PDE3A: variants seen among roughly 807,000 people sequenced by gnomAD.
The protein encoded by PDE3A is phosphodiesterase 3A.
Under a neutral mutation model 98.3 loss-of-function variants are expected in PDE3A, and 43 were observed. The observed-to-expected ratio is 0.44, with a 90% CI of 0.34 to 0.56. PDE3A has a LOEUF of 0.56. Ranked by LOEUF, PDE3A falls within the 20% of genes least tolerant of loss-of-function variation. PDE3A has a pLI of 0.01. For synonymous variants in PDE3A, 663 were observed against 567.9 expected (o/e 1.17, Z -2.38); for missense variants, 1,427 against 1,440.7 (o/e 0.99, Z 0.15).
At chr12:20,582,375 G>A (rs1437583381) in intron 2 of PDE3A, among the ~76,000 whole-genome samples, 1 of 151,924 alleles carries the variant, frequency 6.6e-6, no homozygotes, top group Non-Finnish European at 1.5e-5. Flanking sequence ...GTATTTTTTT[G>A]TAGAGATGGA....
intron 2 of PDE3A, among the ~76,000 whole-genome samples, chr12:20,611,808 T>C (rs995666287): frequency 2.0e-5 from 3 of 151,788 alleles, no homozygotes; most frequent in African/African-American, 7.2e-5. Flanking sequence ...TCCAACCCAC[T>C]GAACAATATT....
At chr12:20,398,195 T>C (rs1944054262) in intron 1 of PDE3A, among the ~76,000 whole-genome samples, 1 of 151,860 alleles carries the variant, frequency 6.6e-6, no homozygotes, top group African/African-American at 2.4e-5. Context: ...TGATGGCTTA[T>C]TGGCGGGAAA....
chr12:20,457,793 A>AT (rs1945177509), intron 1 of PDE3A, among the ~76,000 whole-genome samples: 1 of 144,300 alleles, frequency 6.9e-6, no homozygotes, highest in Non-Finnish European at 1.5e-5. Context: ...ATGCTGTAAA[A>AT]ATTTTTTTAA....
chr12:20,578,474 TACACACACACAC>T (rs5796870), intron 2 of PDE3A, among the ~76,000 whole-genome samples: 27 of 148,572 alleles, frequency 1.8e-4, no homozygotes, highest in African/African-American at 5.0e-4. Context: ...ATACAACTAA[TACACACACACAC>T]ACACACACAC....
chr12:20,542,457 A>T (rs1941942440), intron 1 of PDE3A, among the ~76,000 whole-genome samples: 1 of 36,936 alleles, frequency 2.7e-5, no homozygotes, highest in Admixed American at 2.6e-4. Flanking sequence ...ACACACACAC[A>T]CACACACACA....
rs1229735544 is a variant in PDE3A, at chr12:20,680,403, C to T, written c.*132C>T. On this transcript the variant is annotated 3_prime_UTR_variant, in exon 16 of 16. Coordinates refer to ENST00000359062, the MANE Select transcript of PDE3A (RefSeq NM_000921.5). ...ATGGCTATTGCATTTTGGGATTCTT[C>T]GCATTTTGTGTGTATATTTTTACAG... 26 of 952,676 alleles carry T rather than the reference C, an allele frequency of 2.7e-5. No individual in the cohort carries two copies. Among genetic ancestry groups the T allele is most frequent in the South Asian group, 3.7e-5 (2 of 54,756 alleles). The allele number at this position is 952,676 out of a possible 1,614,324, so 59.0% of individuals were successfully genotyped here.
intron 1 of PDE3A, among the ~76,000 whole-genome samples, chr12:20,513,213 CAT>C (rs1946260232): frequency 2.6e-5 from 4 of 152,132 alleles, no homozygotes; most frequent in Non-Finnish European, 4.4e-5. Context: ...TCATTCGATG[CAT>C]ATATGTTTTT....
intron 1 of PDE3A, among the ~76,000 whole-genome samples, chr12:20,374,459 T>C (rs1385490259): frequency 1.3e-5 from 2 of 151,946 alleles, no homozygotes; most frequent in East Asian, 3.9e-4. Flanking sequence ...ACCAGAACAG[T>C]GACTCTGTGT....
chr12:20,373,179 G>C (rs988676365), intron 1 of PDE3A, among the ~76,000 whole-genome samples: 1 of 151,920 alleles, frequency 6.6e-6, no homozygotes, highest in Admixed American at 6.6e-5. Flanking sequence ...TTAGCTTTTA[G>C]TTTAGTCCTG....
At chr12:20,388,778 G>A (rs923795243) in intron 1 of PDE3A, among the ~76,000 whole-genome samples, 2 of 151,938 alleles carry the variant, frequency 1.3e-5, no homozygotes, top group African/African-American at 4.8e-5. Context: ...CCAGGATTTT[G>A]TTGAGTATTC....
Position 20,680,396 on chromosome 12 carries a change from G to A in PDE3A, c.*125G>A, listed in dbSNP as rs1331034673. 1 of 999,550 alleles carries A rather than the reference G, an allele frequency of 1.0e-6. No individual in the cohort carries two copies. The highest frequency in any genetic ancestry group is 2.5e-5 in the East Asian group (1 of 40,466). The allele number at this position is 999,550 out of a possible 1,614,324, so 61.9% of individuals were successfully genotyped here. On this transcript the variant is annotated 3_prime_UTR_variant, in exon 16 of 16. Coordinates refer to ENST00000359062, the MANE Select transcript of PDE3A (RefSeq NM_000921.5). ...TGGGCAAATGGCTATTGCATTTTGG[G>A]ATTCTTCGCATTTTGTGTGTATATT...
At chr12:20,553,286 G>T (rs1238478894) in intron 1 of PDE3A, among the ~76,000 whole-genome samples, 2 of 96,890 alleles carry the variant, frequency 2.1e-5, no homozygotes, top group African/African-American at 8.3e-5. Context: ...AACAACACAA[G>T]ATTTTTTAAA....
chr12:20,483,225 C>T (rs1367675187), intron 1 of PDE3A, among the ~76,000 whole-genome samples: 1 of 152,092 alleles, frequency 6.6e-6, no homozygotes, highest in African/African-American at 2.4e-5. Flanking sequence ...CCCGTCTCTA[C>T]TAAAAATACA....
At chr12:20,415,263 A>G (rs891710698) in intron 1 of PDE3A, among the ~76,000 whole-genome samples, 1 of 151,974 alleles carries the variant, frequency 6.6e-6, no homozygotes, top group East Asian at 1.9e-4. Flanking sequence ...ATGTGTCTGA[A>G]TTGTAGTTAC....
intron 15 of PDE3A, among the ~76,000 whole-genome samples, chr12:20,668,180 C>G (rs1039931741): frequency 6.6e-6 from 1 of 152,222 alleles, no homozygotes; most frequent in Non-Finnish European, 1.5e-5. Context: ...ATATCCCGCA[C>G]CTGGCTTGGA....
chr12:20,640,917 T>C (rs1352251675), intron 10 of PDE3A, among the ~76,000 whole-genome samples: 1 of 152,126 alleles, frequency 6.6e-6, no homozygotes, highest in Admixed American at 6.6e-5. Context: ...ATTTTAGCTT[T>C]TAAGCTTTTA....
chr12:20,650,945 T>C (rs1256808280), intron 14 of PDE3A, among the ~76,000 whole-genome samples: 1 of 152,172 alleles, frequency 6.6e-6, no homozygotes, highest in African/African-American at 2.4e-5. Flanking sequence ...GTAGCTTGTA[T>C]GTATATGGTA....
intron 1 of PDE3A, among the ~76,000 whole-genome samples, chr12:20,462,494 A>G (rs1445683358): frequency 6.6e-6 from 1 of 152,156 alleles, no homozygotes; most frequent in Non-Finnish European, 1.5e-5. Context: ...CATCTAAAAC[A>G]ACAACAACAA....
At chr12:20,532,121 T>C (rs1941615861) in intron 1 of PDE3A, among the ~76,000 whole-genome samples, 1 of 152,136 alleles carries the variant, frequency 6.6e-6, no homozygotes, top group Non-Finnish European at 1.5e-5. Flanking sequence ...TTTACTAATA[T>C]GTTCTCTGAA....
Sources: gnomAD v4.1 joint callset for allele counts (sites outside exome capture counted in the v4.1 genomes callset) on GRCh38, gnomAD v4.1.1 for gene constraint, MANE v1.5 for transcripts, NCBI Gene and HGNC (gene_info 2026-07-23, HGNC 2026-07-21) for gene names.